The following PAX9 variants were observed in gnomAD, a reference collection of about 807,000 sequenced individuals.
The protein encoded by PAX9 is paired box protein Pax-9.
Under a neutral mutation model 29.1 loss-of-function variants are expected in PAX9, and 6 were observed. The ratio of observed to expected loss-of-function variants is 0.21; its 90% CI spans 0.11 to 0.41. The LOEUF (loss-of-function observed/expected upper bound fraction) is 0.41. Among genes scored for constraint, PAX9 ranks in the 10% least tolerant of loss-of-function variants. The pLI, the probability that PAX9 is intolerant of heterozygous loss-of-function variation, is 1.00. For synonymous variants in PAX9, 217 were observed against 211.7 expected (o/e 1.03, Z -0.22); for missense variants, 443 against 479.1 (o/e 0.92, Z 0.70).
chr14:36,663,569 C>G (rs367899839), intron 2 of PAX9, 46 bp downstream of exon 2: 7 of 1,608,592 alleles, frequency 4.4e-6, no homozygotes, highest in South Asian at 2.2e-5. Context: ...CGTCTGCCCC[C>G]GCACTCTCGC....
upstream of PAX9, chr14:36,657,721 T>C (rs939303623): frequency 1.3e-5 from 2 of 152,192 alleles, no homozygotes; most frequent in African/African-American, 2.4e-5. Flanking sequence ...CCCGCTGCCA[T>C]TCTAGCTACC....
intron 3 of PAX9, chr14:36,672,051 T>C (rs1881707248): frequency 6.6e-6 from 1 of 152,230 alleles, no homozygotes; most frequent in Non-Finnish European, 1.5e-5. Context: ...ATGCCTTTCA[T>C]GGAAGATCCA....
chr14:36,659,825 C>T (rs1163966507), upstream of PAX9, among the ~76,000 whole-genome samples: 4 of 152,188 alleles, frequency 2.6e-5, no homozygotes, highest in African/African-American at 9.7e-5. Context: ...TCCATATAAC[C>T]AGAGCTCTAA....
upstream of PAX9, among the ~76,000 whole-genome samples, chr14:36,658,373 T>TGGTG (rs1555316239): frequency 7.5e-3 from 965 of 128,784 alleles, 24 homozygotes; most frequent in African/African-American, 0.025. Flanking sequence ...GGGCCTCGCT[T>TGGTG]GGGGGGGGGG....
chr14:36,665,167 G>GAAAAA (rs67344124), intron 2 of PAX9, among the ~76,000 whole-genome samples: 1 of 87,790 alleles, frequency 1.1e-5, no homozygotes, highest in Non-Finnish European at 2.2e-5. Context: ...GAGACATAGT[G>GAAAAA]AAAAAAAAAA....
chr14:36,672,437 T>C (rs1881719502), intron 3 of PAX9, among the ~76,000 whole-genome samples: 1 of 152,218 alleles, frequency 6.6e-6, no homozygotes, highest in African/African-American at 2.4e-5. Context: ...TTGTTTTCCT[T>C]TGCGGTGGAA....
In PAX9 at chr14:36,678,269, C is replaced by T. The variant is rs1036432365; in HGVS notation, c.*1817C>T. On this transcript the variant is annotated 3_prime_UTR_variant, in exon 4 of 4. Coordinates refer to ENST00000361487, the MANE Select transcript of PAX9 (RefSeq NM_001372076.1). ...ATGTAAACAGTAAGCAGATTTCTGA[C>T]ACACAAATTATGTTAGAGTGACTGC... 5 of 563,506 alleles carry T rather than the reference C, an allele frequency of 8.9e-6. No individual in the cohort carries two copies. Among genetic ancestry groups the T allele is most frequent in the African/African-American group, 1.9e-5 (1 of 53,584 alleles). The allele number at this position is 563,506 out of a possible 1,614,324, so 34.9% of individuals were successfully genotyped here.
Position 36,676,767 on chromosome 14 carries a change from C to G in PAX9, c.*315C>G. On this transcript the variant is annotated 3_prime_UTR_variant, in exon 4 of 4. Coordinates refer to ENST00000361487, the MANE Select transcript of PAX9 (RefSeq NM_001372076.1). ...TACACCCCTCAAAGGGTTTAAGGAA[C>G]TTTACAAACTAGTCTTTGGTAAAAC... The G allele has an allele frequency of 2.6e-6, 1 of 386,668 alleles. No individual in the cohort carries two copies. Among genetic ancestry groups the G allele is most frequent in the South Asian group, 2.6e-5 (1 of 38,418 alleles). The allele number at this position is 386,668 out of a possible 1,614,324, so 24.0% of individuals were successfully genotyped here.
At chr14:36,673,407 A>G (rs916574481) in intron 3 of PAX9, among the ~76,000 whole-genome samples, 1 of 152,194 alleles carries the variant, frequency 6.6e-6, no homozygotes, top group Non-Finnish European at 1.5e-5. Flanking sequence ...GAATGTAATC[A>G]TGGAATAAAT....
In PAX9 at chr14:36,678,251, C is replaced by T. The variant is rs1246641382; in HGVS notation, c.*1799C>T. ...GGTTTTCAAATCACTAGGATGTAAA[C>T]AGTAAGCAGATTTCTGACACACAAA... On this transcript the variant is annotated 3_prime_UTR_variant, in exon 4 of 4. Transcript: ENST00000361487. The T allele has an allele frequency of 5.4e-6, 3 of 556,420 alleles. No homozygotes were observed. Among genetic ancestry groups the T allele is most frequent in the Non-Finnish European group, 6.4e-6 (2 of 311,210 alleles). The allele number at this position is 556,420 out of a possible 1,614,324, so 34.5% of individuals were successfully genotyped here.
At chr14:36,661,772 C>A (rs1397150459), upstream of PAX9, 2 of 486,104 alleles carry the variant, frequency 4.1e-6, no homozygotes, top group Non-Finnish European at 7.3e-6. Context: ...CACCGACCCG[C>A]ACCAATCACC....
chr14:36,666,016 C>G (rs1464009081), intron 2 of PAX9: 2 of 189,996 alleles, frequency 1.1e-5, no homozygotes, highest in Non-Finnish European at 2.2e-5. Flanking sequence ...TTAGGTCAGA[C>G]GCTCCTCTCT....
chr14:36,667,907 A>T (rs1881566086), intron 3 of PAX9, among the ~76,000 whole-genome samples: 1 of 152,254 alleles, frequency 6.6e-6, no homozygotes, highest in South Asian at 2.1e-4. Flanking sequence ...TACAATGGTT[A>T]GGAGCTCCGA....
intron 3 of PAX9, among the ~76,000 whole-genome samples, chr14:36,668,875 A>C (rs1486262101): frequency 1.3e-5 from 2 of 152,138 alleles, no homozygotes; most frequent in East Asian, 3.8e-4. Flanking sequence ...TTAAATCACT[A>C]AATTATCACA....
chr14:36,661,316 C>T (rs1881255660), upstream of PAX9, among the ~76,000 whole-genome samples: 1 of 152,238 alleles, frequency 6.6e-6, no homozygotes, highest in African/African-American at 2.4e-5. Context: ...GGGCTCCCCG[C>T]AACCTCCTGG....
In PAX9 at chr14:36,670,368, A is replaced by G. The variant is rs536802075; in HGVS notation, c.771+3767A>G. 1.2e-4 allele frequency among the ~76,000 whole-genome samples: 18 copies of G among 152,218 alleles called. No individual in the cohort carries two copies. The South Asian group carries it at 3.5e-3, about 30-fold the overall frequency. On this transcript the variant is annotated intron_variant, in intron 3 of 3. Transcript: ENST00000361487. Reference sequence around the variant, plus strand: ...TAAAAGTTCAGAATTAAGTTGTGAAAATAGTTGAATTTAAAGATATAATCT... The same window carrying G: ...TAAAAGTTCAGAATTAAGTTGTGAAGATAGTTGAATTTAAAGATATAATCT...
intron 3 of PAX9, among the ~76,000 whole-genome samples, chr14:36,669,175 T>C (rs1004836235): frequency 6.6e-6 from 1 of 152,210 alleles, no homozygotes; most frequent in African/African-American, 2.4e-5. Flanking sequence ...AGTTCAGCCG[T>C]GCCATTTTTC....
chr14:36,664,178 A>T (rs771265053), intron 2 of PAX9, among the ~76,000 whole-genome samples: 1 of 151,986 alleles, frequency 6.6e-6, no homozygotes, highest in Non-Finnish European at 1.5e-5. Flanking sequence ...TCATATTCAC[A>T]TTCTCTCTCT....
intron 3 of PAX9, among the ~76,000 whole-genome samples, chr14:36,668,756 T>A (rs1336240720): frequency 7.7e-6 from 1 of 130,068 alleles, no homozygotes; most frequent in East Asian, 1.9e-4. Context: ...GCTTAATTTA[T>A]AATACACTTC....
Sources: allele counts gnomAD v4.1 joint callset (sites outside exome capture counted in the v4.1 genomes callset), GRCh38; gene constraint gnomAD v4.1.1; transcripts MANE v1.5; gene names NCBI Gene and HGNC (gene_info 2026-07-23, HGNC 2026-07-21).